The following TSHZ2 variants were observed in gnomAD, a reference collection of about 807,000 sequenced individuals.
TSHZ2 encodes teashirt homolog 2.
In TSHZ2, 21 loss-of-function variants were observed where a neutral mutation model predicts 74.4. The observed-to-expected ratio is 0.28, with a 90% CI of 0.20 to 0.41. TSHZ2 has a LOEUF of 0.41. Ranked by LOEUF, TSHZ2 falls within the 10% of genes least tolerant of loss-of-function variation. TSHZ2 has a pLI of 1.00. For missense variants in TSHZ2, 1,244 were observed against 1,293.5 expected (o/e 0.96, Z 0.59); for synonymous variants, 540 against 515.3 (o/e 1.05, Z -0.65).
intron 1 of TSHZ2, among the ~76,000 whole-genome samples, chr20:53,223,149 G>A (rs943568923): frequency 2.8e-5 from 4 of 145,154 alleles, no homozygotes; most frequent in African/African-American, 1.0e-4. Flanking sequence ...TTTTTTTTTT[G>A]GTCAAAAGCA....
At chr20:53,032,735 C>T (rs545948025) in intron 1 of TSHZ2, among the ~76,000 whole-genome samples, 2 of 150,600 alleles carry the variant, frequency 1.3e-5, no homozygotes, top group South Asian at 2.1e-4. Context: ...TACTTTTCCC[C>T]ATGTCCTGAT....
chr20:53,289,426 C>A (rs540475347), intron 2 of TSHZ2, among the ~76,000 whole-genome samples: 1 of 152,266 alleles, frequency 6.6e-6, no homozygotes, highest in East Asian at 1.9e-4. Context: ...GTTTACATTC[C>A]CACCAGCAGT....
intron 1 of TSHZ2, among the ~76,000 whole-genome samples, chr20:53,101,220 A>T (rs541594840): frequency 2.0e-5 from 3 of 152,324 alleles, no homozygotes; most frequent in South Asian, 2.1e-4. Context: ...AAAGATTCCC[A>T]TTAACTTGAA....
At chr20:53,274,917 G>A (rs1004774549) in intron 2 of TSHZ2, among the ~76,000 whole-genome samples, 9 of 152,216 alleles carry the variant, frequency 5.9e-5, no homozygotes, top group Middle Eastern at 6.8e-3. Context: ...CGTAAATACA[G>A]CCACAGGTTT....
At chr20:53,052,198 A>G (rs1388886615) in intron 1 of TSHZ2, among the ~76,000 whole-genome samples, 1 of 152,028 alleles carries the variant, frequency 6.6e-6, no homozygotes, top group Non-Finnish European at 1.5e-5. Flanking sequence ...GAACTTGACT[A>G]TTTTAGGTAC....
At chr20:53,386,652 G>C (rs928322913) in intron 2 of TSHZ2, among the ~76,000 whole-genome samples, 3 of 152,180 alleles carry the variant, frequency 2.0e-5, no homozygotes, top group Non-Finnish European at 4.4e-5. Flanking sequence ...CGTTGCCTTT[G>C]GGGTACCGGG....
At chr20:53,412,721 C>A (rs1450807365) in intron 2 of TSHZ2, 1 of 152,476 alleles carries the variant, frequency 6.6e-6, no homozygotes, top group Non-Finnish European at 1.5e-5. Context: ...ATTAAACACG[C>A]CTCAGCACCA....
intron 1 of TSHZ2, among the ~76,000 whole-genome samples, chr20:53,052,843 G>A (rs1452645831): frequency 6.6e-6 from 1 of 152,148 alleles, no homozygotes. Context: ...GTGGGATTAT[G>A]CCTGTTAGAT....
At chr20:53,279,723 CA>C (rs747788037) in intron 2 of TSHZ2, among the ~76,000 whole-genome samples, 12 of 152,058 alleles carry the variant, frequency 7.9e-5, no homozygotes, top group Non-Finnish European at 1.6e-4. Flanking sequence ...AGGAAATAGA[CA>C]CAAAATTAAA....
intron 1 of TSHZ2, among the ~76,000 whole-genome samples, chr20:53,201,635 G>A (rs1989008407): frequency 6.6e-6 from 1 of 152,156 alleles, no homozygotes; most frequent in Non-Finnish European, 1.5e-5. Flanking sequence ...TTCGGACGTA[G>A]ACATCTTTGG....
intron 1 of TSHZ2, among the ~76,000 whole-genome samples, chr20:53,126,420 A>G (rs535359471): frequency 7.2e-5 from 11 of 152,250 alleles, no homozygotes; most frequent in Admixed American, 2.0e-4. Context: ...TCATCCAGGA[A>G]AAATAGCTAT....
intron 2 of TSHZ2, among the ~76,000 whole-genome samples, chr20:53,361,358 G>T (rs1367401279): frequency 6.6e-6 from 1 of 152,232 alleles, no homozygotes; most frequent in South Asian, 2.1e-4. Context: ...TTGTCCTGGT[G>T]ATAAATGATA....
At chr20:53,418,811 C>T (rs900507762) in intron 2 of TSHZ2, among the ~76,000 whole-genome samples, 2 of 152,322 alleles carry the variant, frequency 1.3e-5, no homozygotes, top group East Asian at 1.9e-4. Flanking sequence ...CCTCCCCACT[C>T]GCTCCCAGCT....
At chr20:53,480,088 G>A (rs1986110081) in intron 2 of TSHZ2, among the ~76,000 whole-genome samples, 1 of 139,568 alleles carries the variant, frequency 7.2e-6, no homozygotes, top group Non-Finnish European at 1.5e-5. Flanking sequence ...TTTTTTTTGA[G>A]ATGGAGTTTC....
intron 2 of TSHZ2, among the ~76,000 whole-genome samples, chr20:53,265,524 G>A (rs182452794): frequency 1.3e-3 from 195 of 152,306 alleles, no homozygotes; most frequent in Non-Finnish European, 2.4e-3. Context: ...AACCTACTCC[G>A]TGGGGGCTCA....
chr20:53,029,717 A>G (rs6097198), intron 1 of TSHZ2, among the ~76,000 whole-genome samples: 8,602 of 152,244 alleles, frequency 0.057, 571 homozygotes, highest in African/African-American at 0.15. Context: ...TATGCAATTC[A>G]TATGGATGGA....
intron 1 of TSHZ2, among the ~76,000 whole-genome samples, chr20:53,049,787 A>G (rs919134267): frequency 2.0e-5 from 3 of 152,088 alleles, no homozygotes; most frequent in Non-Finnish European, 4.4e-5. Context: ...ATTTGAATCA[A>G]TAGTAGGTAC....
chr20:53,315,126 A>G (rs1978949873), intron 2 of TSHZ2, among the ~76,000 whole-genome samples: 1 of 152,272 alleles, frequency 6.6e-6, no homozygotes, highest in Non-Finnish European at 1.5e-5. Flanking sequence ...TATGAAGAAG[A>G]GGAATTAGTA....
At chr20:53,136,403 A>G (rs570627220) in intron 1 of TSHZ2, among the ~76,000 whole-genome samples, 1 of 152,004 alleles carries the variant, frequency 6.6e-6, no homozygotes, top group Non-Finnish European at 1.5e-5. Flanking sequence ...AGGGAACTTA[A>G]AATTAATTTG....
Sources: allele counts gnomAD v4.1 joint callset (sites outside exome capture counted in the v4.1 genomes callset), GRCh38; gene constraint gnomAD v4.1.1; transcripts MANE v1.5; gene names NCBI Gene and HGNC (gene_info 2026-07-23, HGNC 2026-07-21).